DIAPH2: variants seen among roughly 807,000 people sequenced by gnomAD.
The protein encoded by DIAPH2 is diaphanous related formin 2.
A neutral mutation model predicts 92.7 loss-of-function variants in DIAPH2; 35 were observed. The observed-to-expected ratio is 0.38, with a 90% confidence interval of 0.29 to 0.50. DIAPH2 has a LOEUF of 0.50. Among genes scored for constraint, DIAPH2 ranks in the 20% least tolerant of loss-of-function variants. DIAPH2 has a pLI of 0.94. For missense variants in DIAPH2, 701 were observed against 819.5 expected, an observed-to-expected ratio of 0.86 and a Z score of 1.77; for synonymous variants, 301 against 280.4, an observed-to-expected ratio of 1.07 and a Z score of -0.73.
At chrX:96,872,072 C>T (rs1032739826) in intron 4 of DIAPH2, among the ~76,000 whole-genome samples, 1 of 111,217 alleles carries the variant, frequency 9.0e-6, no homozygotes, top group Non-Finnish European at 1.9e-5. Context: ...TTAAGGGGTA[C>T]GTGAGATGTT....
At chrX:96,786,934 C>T (rs976744791) in intron 4 of DIAPH2, among the ~76,000 whole-genome samples, 8 of 111,482 alleles carry the variant, frequency 7.2e-5, no homozygotes, top group Admixed American at 5.7e-4. Flanking sequence ...TATTATGTAC[C>T]GTGATGTAAA....
chrX:97,598,531 A>G (rs1454736537), intron 26 of DIAPH2, among the ~76,000 whole-genome samples: 1 of 112,099 alleles, frequency 8.9e-6, no homozygotes, highest in Non-Finnish European at 1.9e-5. Context: ...TGATAATAAC[A>G]TAGTAGTGAT....
intron 17 of DIAPH2, among the ~76,000 whole-genome samples, chrX:96,998,355 T>C (rs895414281): frequency 4.5e-5 from 5 of 111,355 alleles, no homozygotes; most frequent in Middle Eastern, 4.7e-3. Context: ...GATTTTTGAA[T>C]TGGGGGGAGA....
At chrX:97,035,715 A>G (rs778503655) in intron 17 of DIAPH2, among the ~76,000 whole-genome samples, 2 of 111,680 alleles carry the variant, frequency 1.8e-5, no homozygotes, top group East Asian at 2.8e-4. Flanking sequence ...ATTTAGAGAA[A>G]GAATGGATTT....
chrX:96,758,078 T>C (rs1300783495), intron 3 of DIAPH2, 76 bp from the exon 4 acceptor site: 1 of 859,564 alleles, frequency 1.2e-6, no homozygotes, highest in Non-Finnish European at 1.6e-6. Flanking sequence ...ATAGAAATTA[T>C]TAATGTTTAC....
intron 4 of DIAPH2, among the ~76,000 whole-genome samples, chrX:96,855,851 G>A (rs781279821): frequency 1.8e-5 from 2 of 111,262 alleles, no homozygotes; most frequent in South Asian, 3.8e-4. Flanking sequence ...AACAATTCAA[G>A]TTATTTAAAC....
At chrX:97,110,875 C>T (rs1176479208) in intron 20 of DIAPH2, among the ~76,000 whole-genome samples, 2 of 109,786 alleles carry the variant, frequency 1.8e-5, no homozygotes, top group East Asian at 2.9e-4. Flanking sequence ...CCCAGCTACT[C>T]GGGAGGCTGA....
At chrX:97,321,162 A>T (rs2068890627) in intron 23 of DIAPH2, among the ~76,000 whole-genome samples, 1 of 111,362 alleles carries the variant, frequency 9.0e-6, no homozygotes, top group Non-Finnish European at 1.9e-5. Flanking sequence ...TGCACTAGGG[A>T]CTTAGGGTTA....
rs12688856 is a variant in DIAPH2 at position 97,187,636 on chromosome X, T to A, written c.2719+45842T>A. Reference sequence around the variant, plus strand: ...GAGTACCTTAACTAGTTTGTAGCAATGTGATTGAATTATAGACAGTTCGCT... The same window carrying A: ...GAGTACCTTAACTAGTTTGTAGCAAAGTGATTGAATTATAGACAGTTCGCT... On this transcript the variant is annotated intron_variant, in intron 22 of 26. Coordinates refer to ENST00000324765, the MANE Select transcript of DIAPH2 (RefSeq NM_006729.5). Among the ~76,000 whole-genome samples the A allele has an allele frequency of 1.7e-3, 189 of 110,513 alleles. 2 individuals are homozygous for A. In the East Asian group the frequency reaches 0.043, roughly 25 times the overall value.
chrX:97,467,257 G>A (rs920921260), intron 26 of DIAPH2, among the ~76,000 whole-genome samples: 8 of 112,023 alleles, frequency 7.1e-5, no homozygotes, highest in Non-Finnish European at 1.5e-4. Context: ...TTACAGTCCC[G>A]TGATGCTCAT....
At chrX:97,299,074 C>A (rs2068672222) in intron 23 of DIAPH2, among the ~76,000 whole-genome samples, 1 of 111,549 alleles carries the variant, frequency 9.0e-6, no homozygotes, top group Admixed American at 9.6e-5. Flanking sequence ...TTTAAAAAAT[C>A]TTTCCAGGCC....
intron 9 of DIAPH2, among the ~76,000 whole-genome samples, chrX:96,927,741 G>A (rs1489478833): frequency 1.8e-5 from 2 of 111,314 alleles, no homozygotes; most frequent in Non-Finnish European, 1.9e-5. Context: ...TGAGTGTGGA[G>A]TGGGGTGGCA....
At chrX:97,402,687 C>G (rs5921811) in intron 25 of DIAPH2, among the ~76,000 whole-genome samples, 3,089 of 111,811 alleles carry the variant, frequency 0.028, 34 homozygotes, top group Middle Eastern at 0.042. Flanking sequence ...GGAATCAGAG[C>G]ATTGAGACCA....
chrX:97,199,937 A>G (rs2067733682), intron 22 of DIAPH2, among the ~76,000 whole-genome samples: 1 of 110,852 alleles, frequency 9.0e-6, no homozygotes, highest in Admixed American at 9.6e-5. Flanking sequence ...TGGAGGAGCC[A>G]AGATGGCCAA....
chrX:96,687,213 G>GA (rs1370504189), intron 1 of DIAPH2, among the ~76,000 whole-genome samples: 1 of 111,704 alleles, frequency 9.0e-6, no homozygotes, highest in African/African-American at 3.3e-5. Flanking sequence ...GGAAGAAGGG[G>GA]AAATGGCATT....
intron 25 of DIAPH2, among the ~76,000 whole-genome samples, chrX:97,416,298 T>G (rs1222924439): frequency 1.8e-5 from 2 of 112,196 alleles, no homozygotes; most frequent in East Asian, 5.6e-4. Context: ...AGACAGGCTT[T>G]TATACATTGC....
At chrX:97,519,204 A>G (rs1321540718) in intron 26 of DIAPH2, among the ~76,000 whole-genome samples, 2 of 111,896 alleles carry the variant, frequency 1.8e-5, no homozygotes, top group Admixed American at 9.5e-5. Context: ...ATATGCCCCT[A>G]TTTAAACAAC....
At chrX:97,589,346 C>T (rs1285844322) in intron 26 of DIAPH2, among the ~76,000 whole-genome samples, 1 of 103,164 alleles carries the variant, frequency 9.7e-6, no homozygotes, top group Non-Finnish European at 2.0e-5. Context: ...AAAGAGTCAT[C>T]CCACCATTCA....
rs983479364 is a variant in DIAPH2 at position 96,883,442 on chromosome X, G to A, written c.587+1724G>A. Among the ~76,000 whole-genome samples, 7 of 107,635 alleles carry A rather than the reference G, an allele frequency of 6.5e-5. No homozygotes were observed. In the East Asian group the frequency reaches 2.0e-3, roughly 31 times the overall value. The allele number at this position is 107,635 out of a possible 115,157, so 93.5% of individuals were successfully genotyped here. A position where few individuals can be genotyped will look rare whatever the true frequency, so the allele number is the denominator to read the frequency against. On this transcript the variant is annotated intron_variant, in intron 5 of 26. Transcript: ENST00000324765. The stretch of plus-strand genomic sequence containing the variant: ...GTCACCGAGGCTGGAGTGCAGTGGT[G>A]CTGTCTCGGTTCACTGCAACCTCTG...
Sources: allele counts gnomAD v4.1 joint callset (sites outside exome capture counted in the v4.1 genomes callset), GRCh38; gene constraint gnomAD v4.1.1; transcripts MANE v1.5; gene names NCBI Gene and HGNC (gene_info 2026-07-23, HGNC 2026-07-21).